SND1: variants seen among roughly 807,000 people sequenced by gnomAD.
The protein encoded by SND1 is staphylococcal nuclease domain-containing protein 1.
Under a neutral mutation model 121.7 loss-of-function variants are expected in SND1, and 38 were observed. The observed-to-expected ratio is 0.31, with a 90% CI of 0.24 to 0.41. SND1 has a LOEUF of 0.41. Among genes scored for constraint, SND1 ranks in the 10% least tolerant of loss-of-function variants. The pLI is 1.00. For synonymous variants in SND1, 401 were observed against 447.4 expected, an observed-to-expected ratio of 0.90 and a Z score of 1.31; for missense variants, 868 against 1,184.6, an observed-to-expected ratio of 0.73 and a Z score of 3.92.
At position 128,030,299 on chromosome 7, in the gene SND1, A is replaced by T. The variant is rs1028755195; in HGVS notation, c.1779+39243A>T. On this transcript the variant is annotated intron_variant, in intron 16 of 23. Transcript: ENST00000354725. ...CCAGGCCGTTGAAGGCCCCCACCTC[A>T]ATCTGCCGGATGGAGTTCCTGCCCA... 5 of 1,613,686 alleles carry T rather than the reference A, an allele frequency of 3.1e-6. No individual in the cohort carries two copies. The Admixed American group carries it at 6.7e-5, about 22-fold the overall frequency.
chr7:127,802,889 C>G (rs1477606417), intron 10 of SND1, among the ~76,000 whole-genome samples: 1 of 152,164 alleles, frequency 6.6e-6, no homozygotes, highest in African/African-American at 2.4e-5. Context: ...TCTTTCATTC[C>G]TAACGTTCCA....
chr7:128,016,473 T>C (rs1439028681), intron 16 of SND1, among the ~76,000 whole-genome samples: 6 of 152,204 alleles, frequency 3.9e-5, no homozygotes, highest in Non-Finnish European at 5.9e-5. Context: ...TCTCTAGAAT[T>C]TGAAACCAGT....
chr7:127,792,048 G>T (rs930468208), intron 10 of SND1, among the ~76,000 whole-genome samples: 1 of 152,192 alleles, frequency 6.6e-6, no homozygotes, highest in African/African-American at 2.4e-5. Context: ...TTCTCTTATT[G>T]TGTAATTTTT....
Position 127,908,721 on chromosome 7 carries a change from C to G in SND1, c.1527+3902C>G, listed in dbSNP as rs545289054. The stretch of plus-strand genomic sequence containing the variant: ...TTGTTTTTCATTGATCCTGTCTGAG[C>G]TCCCTCCCTCACCAGCATAGAAAAA... On this transcript the variant is annotated intron_variant, in intron 14 of 23. Coordinates refer to ENST00000354725, the MANE Select transcript of SND1 (RefSeq NM_014390.4). 7.2e-5 allele frequency among the ~76,000 whole-genome samples: 11 copies of G among 152,264 alleles called. No individual in the cohort carries two copies. The East Asian group carries it at 2.1e-3, about 29-fold the overall frequency.
intron 10 of SND1, among the ~76,000 whole-genome samples, chr7:127,762,246 G>C (rs1243370763): frequency 1.3e-5 from 2 of 152,172 alleles, no homozygotes; most frequent in Non-Finnish European, 2.9e-5. Flanking sequence ...AAATACCATA[G>C]ACTCAATGGG....
In SND1 at chr7:127,746,767, A is replaced by G. The variant is rs117498562; in HGVS notation, c.1152+25367A>G. 1.6e-4 allele frequency among the ~76,000 whole-genome samples: 25 copies of G among 152,136 alleles called. 1 individual carries two copies. The East Asian group carries it at 4.8e-3, about 29-fold the overall frequency. ...ATGTCTGGCCTTTGTAGGTATAAAT[A>G]CCTATTTATACCTGGCTTATGTGAT... On this transcript the variant is annotated intron_variant, in intron 10 of 23. Coordinates refer to ENST00000354725, the MANE Select transcript of SND1 (RefSeq NM_014390.4).
chr7:127,891,594 C>T (rs1800009884), intron 13 of SND1, among the ~76,000 whole-genome samples: 2 of 152,032 alleles, frequency 1.3e-5, no homozygotes, highest in African/African-American at 4.8e-5. Context: ...GTGAACTCTG[C>T]TTTGTGATTT....
intron 15 of SND1, among the ~76,000 whole-genome samples, chr7:127,937,383 T>A (rs1483489989): frequency 1.3e-5 from 2 of 151,956 alleles, no homozygotes; most frequent in Non-Finnish European, 1.5e-5. Flanking sequence ...AAATGAGACT[T>A]CCCTTTTCCT....
chr7:127,777,060 C>T (rs572798808), intron 10 of SND1, among the ~76,000 whole-genome samples: 1 of 152,290 alleles, frequency 6.6e-6, no homozygotes, highest in South Asian at 2.1e-4. Flanking sequence ...GTCACTTGGG[C>T]CCTTTTCATC....
chr7:128,055,128 G>A (rs1301024807), intron 16 of SND1, among the ~76,000 whole-genome samples: 10 of 152,172 alleles, frequency 6.6e-5, no homozygotes, highest in Admixed American at 1.3e-4. Flanking sequence ...TTTCAGTTGG[G>A]AAAGCTGGAA....
chr7:127,841,022 G>A (rs909684308), intron 11 of SND1, among the ~76,000 whole-genome samples: 1 of 152,160 alleles, frequency 6.6e-6, no homozygotes, highest in Non-Finnish European at 1.5e-5. Flanking sequence ...GACAGTTTTG[G>A]AACAGCACCT....
At chr7:127,938,907 G>C (rs1801122922) in intron 15 of SND1, among the ~76,000 whole-genome samples, 1 of 151,998 alleles carries the variant, frequency 6.6e-6, no homozygotes, top group Admixed American at 6.6e-5. Context: ...TTTATATTCA[G>C]TGGGCACAAT....
At chr7:127,678,591 C>T (rs1302304360) in intron 1 of SND1, among the ~76,000 whole-genome samples, 4 of 152,092 alleles carry the variant, frequency 2.6e-5, no homozygotes, top group Non-Finnish European at 5.9e-5. Context: ...AACACATACG[C>T]ACACACACAC....
rs748102471 is a variant in SND1 at position 127,652,407 on chromosome 7, G to GC, written c.34_35insC (p.Gly12AlafsTer35). 3.1e-6 allele frequency: 5 copies of GC among 1,595,860 alleles called. No homozygotes were observed. Among genetic ancestry groups the GC allele is most frequent in the South Asian group, 1.1e-5 (1 of 88,178 alleles). On this transcript the variant is annotated frameshift_variant, in exon 1 of 24. Transcript: ENST00000354725. LOFTEE classifies it high-confidence loss of function. ...CTCCGCGCAGAGCGGCGGCTCCTCC[G>GC]GGGGACCCGCGGTCCCCACCGTGCA...
At chr7:127,739,004 G>A (rs1796829261) in intron 10 of SND1, among the ~76,000 whole-genome samples, 1 of 152,206 alleles carries the variant, frequency 6.6e-6, no homozygotes, top group South Asian at 2.1e-4. Context: ...TGTGAGTGGA[G>A]ATATTTTAAT....
At chr7:128,051,177 T>G (rs1243202840) in intron 16 of SND1, among the ~76,000 whole-genome samples, 9 of 152,200 alleles carry the variant, frequency 5.9e-5, no homozygotes, top group Admixed American at 5.9e-4. Flanking sequence ...ATCCTTCCCA[T>G]GGGGTATCTT....
chr7:127,893,647 A>G (rs1800057884), intron 13 of SND1, among the ~76,000 whole-genome samples: 1 of 152,140 alleles, frequency 6.6e-6, no homozygotes, highest in Non-Finnish European at 1.5e-5. Context: ...GTCTGGTCAT[A>G]CATAATGAAG....
chr7:127,939,557 C>G (rs1801145427), intron 15 of SND1, among the ~76,000 whole-genome samples: 1 of 152,184 alleles, frequency 6.6e-6, no homozygotes, highest in South Asian at 2.1e-4. Context: ...GACTGGCCTG[C>G]TTATCTTGGT....
At chr7:127,842,339 T>C (rs1450752314) in intron 11 of SND1, among the ~76,000 whole-genome samples, 3 of 152,214 alleles carry the variant, frequency 2.0e-5, no homozygotes, top group Non-Finnish European at 4.4e-5. Flanking sequence ...CTTCATTCTG[T>C]GAAGACTTGC....
Sources: allele counts gnomAD v4.1 joint callset (sites outside exome capture counted in the v4.1 genomes callset), GRCh38; gene constraint gnomAD v4.1.1; transcripts MANE v1.5; gene names NCBI Gene and HGNC (gene_info 2026-07-23, HGNC 2026-07-21).